ZFY: variants seen among roughly 807,000 people sequenced by gnomAD.
ZFY encodes zinc finger Y-chromosomal protein.
For missense variants in ZFY, 113 were observed against 170.9 expected (o/e 0.66, Z 1.89); for synonymous variants, 47 against 55.8 (o/e 0.84, Z 0.71).
At chrY:2,968,019 T>A (rs892248640) in intron 3 of ZFY, among the ~76,000 whole-genome samples, 38 of 33,250 alleles carry the variant, frequency 1.1e-3, no homozygotes, top group Non-Finnish European at 3.0e-4. Flanking sequence ...GACAAATTAT[T>A]CAAGTCAAAA....
intron 1 of ZFY, among the ~76,000 whole-genome samples, chrY:2,950,828 T>C: frequency 6.0e-5 from 2 of 33,524 alleles, no homozygotes; most frequent in African/African-American, 2.3e-4. Flanking sequence ...GGTGTTGTGC[T>C]GAATAGAGTC....
At chrY:2,952,977 G>T (rs542319240) in intron 1 of ZFY, among the ~76,000 whole-genome samples, 4 of 33,110 alleles carry the variant, frequency 1.2e-4, no homozygotes, top group African/African-American at 4.8e-4. Flanking sequence ...AAAGACTGGA[G>T]ACTATGTTAA....
At chrY:2,937,567 G>A in intron 1 of ZFY, among the ~76,000 whole-genome samples, 1 of 30,753 alleles carries the variant, frequency 3.3e-5, no homozygotes, top group African/African-American at 1.3e-4. Context: ...TTTTTGCATC[G>A]AAAGTTTACC....
intron 1 of ZFY, among the ~76,000 whole-genome samples, chrY:2,947,407 A>C: frequency 5.9e-5 from 2 of 33,750 alleles, no homozygotes; most frequent in Admixed American, 2.7e-4. Context: ...GGGCTTTGTC[A>C]GTTTTCTAAG....
intron 1 of ZFY, among the ~76,000 whole-genome samples, chrY:2,953,418 T>G: frequency 3.0e-5 from 1 of 33,466 alleles, no homozygotes; most frequent in South Asian, 6.5e-4. Flanking sequence ...TTCTGTTATC[T>G]TAATATAAAT....
At chrY:2,968,609 G>A (rs377482431) in intron 3 of ZFY, among the ~76,000 whole-genome samples, 1 of 32,811 alleles carries the variant, frequency 3.0e-5, no homozygotes, top group Non-Finnish European at 7.5e-5. Flanking sequence ...CACTGTGCCC[G>A]GTTGTTTTCA....
At chrY:2,955,742 G>T (rs2051291420) in intron 2 of ZFY, among the ~76,000 whole-genome samples, 1 of 33,442 alleles carries the variant, frequency 3.0e-5, no homozygotes, top group South Asian at 6.5e-4. Context: ...AAAATTTTGC[G>T]TGTGTCATGG....
At chrY:2,952,367 A>T (rs766115997) in intron 1 of ZFY, among the ~76,000 whole-genome samples, 2 of 34,178 alleles carry the variant, frequency 5.9e-5, no homozygotes, top group African/African-American at 2.3e-4. Context: ...TTATGCAGAG[A>T]AGATTAGTTT....
intron 2 of ZFY, among the ~76,000 whole-genome samples, chrY:2,957,520 T>C: frequency 3.0e-5 from 1 of 33,324 alleles, no homozygotes; most frequent in Non-Finnish European, 7.4e-5. Flanking sequence ...AATCTAGGCT[T>C]TTTTCCACTC....
rs13447362 is a variant in ZFY, at chrY:2,957,804, T to C, written c.62-3270T>C. Reference sequence around the variant, plus strand: ...GTTTCTGTAGGTCAGAATTCTATCATGGTGCAGCTAGTTTCATAAGGTATT... The same window carrying C: ...GTTTCTGTAGGTCAGAATTCTATCACGGTGCAGCTAGTTTCATAAGGTATT... On this transcript the variant is annotated intron_variant, in intron 2 of 7. Coordinates refer to ENST00000155093, the MANE Select transcript of ZFY (RefSeq NM_003411.4). Among the ~76,000 whole-genome samples, 29 of 34,164 alleles carry C rather than the reference T, an allele frequency of 8.5e-4. No homozygotes were observed. In the East Asian group the frequency reaches 0.014, roughly 16 times the overall value. The allele number at this position is 34,164 out of a possible 37,273, so 91.7% of individuals were successfully genotyped here. A position where few individuals can be genotyped will look rare whatever the true frequency, so the allele number is the denominator to read the frequency against.
At chrY:2,940,817 G>A (rs2051239470) in intron 1 of ZFY, among the ~76,000 whole-genome samples, 1 of 33,019 alleles carries the variant, frequency 3.0e-5, no homozygotes, top group African/African-American at 1.2e-4. Context: ...GTCTGTGAGA[G>A]GACAACAATT....
intron 2 of ZFY, among the ~76,000 whole-genome samples, chrY:2,954,614 G>A (rs1603311189): frequency 3.3e-5 from 1 of 30,093 alleles, no homozygotes; most frequent in East Asian, 8.1e-4. Flanking sequence ...TAGGAGGATT[G>A]TTTTACCAGA....
chrY:2,957,695 G>A (rs2051297182), intron 2 of ZFY, among the ~76,000 whole-genome samples: 1 of 33,195 alleles, frequency 3.0e-5, no homozygotes, highest in Non-Finnish European at 7.4e-5. Context: ...TCCACTTCTC[G>A]ACACCAAAAT....
chrY:2,947,833 A>T, intron 1 of ZFY, among the ~76,000 whole-genome samples: 1 of 33,933 alleles, frequency 2.9e-5, no homozygotes, highest in East Asian at 7.5e-4. Flanking sequence ...TTTTAAACAT[A>T]CAAGGTAGAC....
chrY:2,966,864 C>T, intron 3 of ZFY: 1 of 21,225 alleles, frequency 4.7e-5, no homozygotes, highest in African/African-American at 1.9e-4. Flanking sequence ...CTTTCTCTGT[C>T]GCCCGGGCTG....
At chrY:2,976,924 C>A in intron 6 of ZFY, 102 bp downstream of exon 6, 1 of 206,796 alleles carries the variant, frequency 4.8e-6, no homozygotes, top group Non-Finnish European at 7.4e-6. Context: ...TGTCTGTAAT[C>A]CCAGCACTTT....
At chrY:2,976,986 C>A in intron 6 of ZFY, 164 bp downstream of exon 6, 1 of 88,995 alleles carries the variant, frequency 1.1e-5, no homozygotes. Context: ...ACCATCCTGG[C>A]TAACATGGTG....
intron 3 of ZFY, among the ~76,000 whole-genome samples, chrY:2,966,461 C>T (rs1033874651): frequency 3.0e-5 from 1 of 33,195 alleles, no homozygotes; most frequent in African/African-American, 1.2e-4. Flanking sequence ...TTAAGATTAT[C>T]TCGTCTGAAG....
In ZFY at chrY:2,978,948, G is replaced by C; in HGVS notation, c.1361G>C (p.Cys454Ser). Residue 454 changes from cysteine (C) to serine (S), a missense_variant, in exon 8 of 8, where the codon TGT becomes TCT. Physicochemically the swap from Cys to Ser is moderately radical, Grantham distance 112. Transcript: ENST00000155093. The part of the protein sequence containing the change: ...PEHLAKKKYH[C>S]TDCDYTTNKK... ...CACCTTGCCAAGAAGAAGTACCACT[G>C]TACTGACTGTGATTACACTACCAAT... The C allele has an allele frequency of 2.5e-6, 1 of 398,688 alleles. No individual in the cohort carries two copies. The highest frequency in any genetic ancestry group is 3.5e-6 in the Non-Finnish European group (1 of 283,697).
Sources: allele counts gnomAD v4.1 joint callset (sites outside exome capture counted in the v4.1 genomes callset), GRCh38; gene constraint gnomAD v4.1.1; transcripts MANE v1.5; gene names NCBI Gene and HGNC (gene_info 2026-07-23, HGNC 2026-07-21).